The following POR variants were observed in gnomAD, a reference collection of about 807,000 sequenced individuals.
POR encodes the protein cytochrome p450 oxidoreductase, also known as NADPH--cytochrome P450 reductase.
A neutral mutation model predicts 84.0 loss-of-function variants in POR; 56 were observed. The observed-to-expected ratio is 0.67, with a 90% CI of 0.54 to 0.83. The LOEUF (loss-of-function observed/expected upper bound fraction) is 0.83. POR is among the 40% of genes least tolerant of loss of function. The probability of loss-of-function intolerance (pLI) is 0.00; values close to 1 mark genes in which losing one functional copy is unlikely to be tolerated. For missense variants in POR, 938 were observed against 944.3 expected, an observed-to-expected ratio of 0.99 and a Z score of 0.09; for synonymous variants, 414 against 400.5, an observed-to-expected ratio of 1.03 and a Z score of -0.40.
intron 1 of POR, among the ~76,000 whole-genome samples, chr7:75,939,644 G>T (rs1261124363): frequency 6.9e-6 from 1 of 145,852 alleles, no homozygotes; most frequent in South Asian, 2.1e-4. Context: ...TCATTCTATC[G>T]CCCAGGCTGG....
At chr7:75,972,507 C>G (rs1005825387) in intron 3 of POR, 46 bp downstream of exon 3, 4 of 1,518,760 alleles carry the variant, frequency 2.6e-6, no homozygotes, top group South Asian at 2.4e-5. Context: ...GCCTCGGCCC[C>G]GATGGGCATG....
intron 1 of POR, among the ~76,000 whole-genome samples, chr7:75,932,859 A>G (rs1807485510): frequency 3.3e-5 from 5 of 152,124 alleles, no homozygotes; most frequent in African/African-American, 1.2e-4. Context: ...CTCTACTACA[A>G]ATACAAAGAT....
intron 2 of POR, among the ~76,000 whole-genome samples, chr7:75,961,867 A>T (rs1166132819): frequency 6.6e-6 from 1 of 152,124 alleles, no homozygotes; most frequent in Admixed American, 6.5e-5. Flanking sequence ...CACAAACATT[A>T]GTCAAGTGTG....
chr7:75,968,998 C>A (rs1788316083), intron 2 of POR, among the ~76,000 whole-genome samples: 1 of 152,224 alleles, frequency 6.6e-6, no homozygotes, highest in Admixed American at 6.5e-5. Context: ...GTTTTCTATT[C>A]CTGAGAAGAC....
chr7:75,983,972 C>T, intron 10 of POR, 116 bp downstream of exon 10: 1 of 786,474 alleles, frequency 1.3e-6, no homozygotes, highest in Non-Finnish European at 1.9e-6. Context: ...CTGGGAGGCC[C>T]TTGCACCGAG....
At position 75,984,120 on chromosome 7, in the gene POR, G is replaced by C. The variant is rs1378994344; in HGVS notation, c.1066+264G>C. On this transcript the variant is annotated intron_variant, in intron 10 of 15. Coordinates refer to ENST00000461988, the MANE Select transcript of POR (RefSeq NM_000941.3). Reference sequence around the variant, plus strand: ...GAGGTGCTGAGGCCTGGTGGCAGAGGCAGCCCTGGCTCCCCCATGGCCACT... The same window carrying C: ...GAGGTGCTGAGGCCTGGTGGCAGAGCCAGCCCTGGCTCCCCCATGGCCACT... 2.0e-5 allele frequency among the ~76,000 whole-genome samples: 3 copies of C among 152,192 alleles called. No homozygotes were observed. The South Asian group carries it at 6.2e-4, about 31-fold the overall frequency.
At chr7:75,943,778 G>A in intron 1 of POR, 1 of 467,862 alleles carries the variant, frequency 2.1e-6, no homozygotes. Flanking sequence ...CAAGAGCCAA[G>A]GAATTGCATT....
chr7:75,963,589 G>A (rs1554554794), intron 2 of POR, among the ~76,000 whole-genome samples: 1 of 152,222 alleles, frequency 6.6e-6, no homozygotes, highest in African/African-American at 2.4e-5. Flanking sequence ...AGGGAGCTGT[G>A]GATGGCACAG....
At chr7:75,972,587 GC>G in intron 3 of POR, 126 bp downstream of exon 3, 3 of 897,172 alleles carry the variant, frequency 3.3e-6, no homozygotes, top group Non-Finnish European at 5.4e-6. Context: ...AGGGAACGCA[GC>G]CCGGCTCGCT....
chr7:75,937,297 A>C (rs538082388), intron 1 of POR, among the ~76,000 whole-genome samples: 1 of 149,902 alleles, frequency 6.7e-6, no homozygotes, highest in African/African-American at 2.4e-5. Context: ...TCTACAAAAA[A>C]AAAAAAAAAA....
In POR at chr7:75,980,453, GAGAC is replaced by G; in HGVS notation, c.486_489del (p.Asp163TrpfsTer93). ...CCAGGACTTCTACGACTGGCTGCAGGAGACAGACGTGGATCTCTCTGGGGTCAAG... is the reference window on the plus strand; with the variant it reads ...CCAGGACTTCTACGACTGGCTGCAGGAGACGTGGATCTCTCTGGGGTCAAG... On this transcript the variant is annotated frameshift_variant, in exon 5 of 16. Transcript: ENST00000461988. LOFTEE classifies it high-confidence loss of function. The G allele has an allele frequency of 6.2e-7, 1 of 1,613,162 alleles. No individual in the cohort carries two copies. The highest frequency in any genetic ancestry group is 8.5e-7 in the Non-Finnish European group (1 of 1,179,866).
chr7:75,957,276 A>G (rs1407633663), intron 2 of POR, among the ~76,000 whole-genome samples: 4 of 152,162 alleles, frequency 2.6e-5, no homozygotes, highest in African/African-American at 9.7e-5. Flanking sequence ...AGGTAGAGCC[A>G]CACCCTGAAG....
At chr7:75,945,853 G>T (rs146071942) in intron 1 of POR, among the ~76,000 whole-genome samples, 3,948 of 152,172 alleles carry the variant, frequency 0.026, 148 homozygotes, top group African/African-American at 0.079. Context: ...TCTTTTTTAC[G>T]GACCAGAAGT....
chr7:75,933,312 G>GCAGT (rs1267488191), intron 1 of POR, among the ~76,000 whole-genome samples: 2 of 148,578 alleles, frequency 1.3e-5, no homozygotes, highest in Non-Finnish European at 3.0e-5. Flanking sequence ...TCTACTCTTA[G>GCAGT]CAGTCTTCAA....
Position 75,984,801 on chromosome 7 carries a change from T to A in POR, c.1091T>A (p.Phe364Tyr), listed in dbSNP as rs1789304884. 1.2e-6 allele frequency: 2 copies of A among 1,612,362 alleles called. No homozygotes were observed. Among genetic ancestry groups the A allele is most frequent in the Non-Finnish European group, 1.7e-6 (2 of 1,179,776 alleles). The change falls in exon 11 of 16, where the codon TTC (phenylalanine) becomes TAC (tyrosine). Residue 364 changes from phenylalanine to tyrosine, a missense_variant. Phe to Tyr is a conservative substitution (Grantham distance 22, BLOSUM62 3). Transcript: ENST00000461988. ...GAGGAGTCCAACAAGAAGCACCCAT[T>A]CCCGTGCCCTACGTCCTACCGCACG...
At chr7:75,977,408 C>T (rs953223864) in intron 3 of POR, among the ~76,000 whole-genome samples, 3 of 152,214 alleles carry the variant, frequency 2.0e-5, no homozygotes, top group African/African-American at 7.2e-5. Flanking sequence ...GCTACTTCTA[C>T]AGCTGCCTCT....
chr7:75,934,760 A>G (rs1410919996), intron 1 of POR, among the ~76,000 whole-genome samples: 3 of 152,164 alleles, frequency 2.0e-5, no homozygotes, highest in Admixed American at 6.5e-5. Flanking sequence ...GGGCCCAGAT[A>G]CAGCTCAGGC....
At chr7:75,915,357 G>A (rs1430617274) in intron 1 of POR, 178 bp downstream of exon 1, 2 of 152,358 alleles carry the variant, frequency 1.3e-5, no homozygotes, top group Non-Finnish European at 2.9e-5. Context: ...CTCCCACCCC[G>A]GCCCTCCTCC....
At chr7:75,982,458 C>T (rs1789116037) in intron 8 of POR, 136 bp downstream of exon 8, 1 of 721,570 alleles carries the variant, frequency 1.4e-6, no homozygotes, top group Admixed American at 2.3e-5. Flanking sequence ...GTGTGAGTGT[C>T]CACGACCTGT....
Sources: allele counts gnomAD v4.1 joint callset (sites outside exome capture counted in the v4.1 genomes callset), GRCh38; gene constraint gnomAD v4.1.1; transcripts MANE v1.5; gene names NCBI Gene and HGNC (gene_info 2026-07-23, HGNC 2026-07-21).